STK32B: variants seen among roughly 807,000 people sequenced by gnomAD.
STK32B encodes the protein serine/threonine-protein kinase 32B.
A neutral mutation model predicts 52.6 loss-of-function variants in STK32B; 43 were observed. The ratio of observed to expected loss-of-function variants is 0.82; its 90% CI spans 0.64 to 1.05. The LOEUF (loss-of-function observed/expected upper bound fraction) is 1.05, where lower values mean the gene tolerates loss of function less well. Among genes scored for constraint, STK32B ranks in the 50% least tolerant of loss-of-function variants. STK32B has a pLI of 0.00. For missense variants in STK32B, 621 were observed against 534.6 expected (o/e 1.16, Z -1.59); for synonymous variants, 238 against 204.3 (o/e 1.17, Z -1.41).
At chr4:5,416,231 A>T (rs1319458214) in intron 5 of STK32B, among the ~76,000 whole-genome samples, 1 of 151,398 alleles carries the variant, frequency 6.6e-6, no homozygotes, top group Non-Finnish European at 1.5e-5. Context: ...TCTGCACATC[A>T]CTTAGTTTCC....
chr4:5,405,175 C>T (rs1399338942), intron 5 of STK32B, among the ~76,000 whole-genome samples: 1 of 151,846 alleles, frequency 6.6e-6, no homozygotes, highest in Non-Finnish European at 1.5e-5. Context: ...TGTGTGAGAC[C>T]TAGTAAGGGC....
intron 1 of STK32B, among the ~76,000 whole-genome samples, chr4:5,117,851 C>A (rs1216067136): frequency 6.6e-6 from 1 of 151,906 alleles, no homozygotes; most frequent in Non-Finnish European, 1.5e-5. Flanking sequence ...TGTGTTGTAT[C>A]ATGTTTACAG....
chr4:5,217,611 T>C (rs942810425), intron 3 of STK32B, among the ~76,000 whole-genome samples: 3 of 152,236 alleles, frequency 2.0e-5, no homozygotes, highest in Non-Finnish European at 1.5e-5. Flanking sequence ...GCAGAACAAA[T>C]ATCATAGTCA....
intron 3 of STK32B, among the ~76,000 whole-genome samples, chr4:5,287,481 TA>T (rs1185131308): frequency 7.3e-6 from 1 of 136,892 alleles, no homozygotes; most frequent in African/African-American, 3.6e-5. Context: ...AATATAATTC[TA>T]AAGTTTTTTT....
chr4:5,239,984 A>C (rs187570191), intron 3 of STK32B, among the ~76,000 whole-genome samples: 81 of 151,248 alleles, frequency 5.4e-4, no homozygotes, highest in Non-Finnish European at 9.2e-4. Flanking sequence ...GGTTAAATTA[A>C]CTGTACCTGA....
chr4:5,399,496 A>G lies in STK32B; in HGVS notation c.472+1252A>G, dbSNP rs1737152026. Among the ~76,000 whole-genome samples the G allele has an allele frequency of 6.6e-6, 1 of 152,210 alleles. No individual in the cohort carries two copies. Among genetic ancestry groups the G allele is most frequent in the South Asian group, 2.1e-4 (1 of 4,836 alleles). On this transcript the variant is annotated intron_variant, in intron 5 of 11. Coordinates refer to ENST00000282908, the MANE Select transcript of STK32B (RefSeq NM_018401.3). This position sits in a 1 kb window ranked among gnomAD's most constrained non-coding sequence, Gnocchi z 5.4. ...CCAGACTAAGTGCTTTGGGGGCAGT[A>G]GGATTGAACTCACTGTGCTCCTGAA...
At chr4:5,342,651 A>G (rs1258429289) in intron 4 of STK32B, among the ~76,000 whole-genome samples, 2 of 152,120 alleles carry the variant, frequency 1.3e-5, no homozygotes, top group Non-Finnish European at 2.9e-5. Flanking sequence ...CACCTCCAAC[A>G]CTGGAAATTA....
intron 11 of STK32B, among the ~76,000 whole-genome samples, chr4:5,471,706 G>A (rs7669467): frequency 1.1e-4 from 16 of 151,996 alleles, no homozygotes; most frequent in Non-Finnish European, 1.0e-4. Context: ...TCCCACAAGC[G>A]ATTCTGATGC....
At chr4:5,052,294 G>C (rs1199241822) in intron 1 of STK32B, among the ~76,000 whole-genome samples, 1 of 152,140 alleles carries the variant, frequency 6.6e-6, no homozygotes, top group African/African-American at 2.4e-5. Flanking sequence ...GGCTGACGGA[G>C]GTGGCCTGGA....
At chr4:5,428,002 A>G (rs113730399) in intron 6 of STK32B, among the ~76,000 whole-genome samples, 5,919 of 151,226 alleles carry the variant, frequency 0.039, 400 homozygotes, top group African/African-American at 0.13. Context: ...GTAATTTGAG[A>G]CTTGTCTTAT....
chr4:5,278,678 C>T (rs1386965518), intron 3 of STK32B, among the ~76,000 whole-genome samples: 7 of 152,056 alleles, frequency 4.6e-5, no homozygotes, highest in Non-Finnish European at 1.0e-4. Flanking sequence ...TGGTATTAGT[C>T]CCTTCTAACA....
chr4:5,384,232 G>A (rs953860248), intron 4 of STK32B, among the ~76,000 whole-genome samples: 1 of 152,182 alleles, frequency 6.6e-6, no homozygotes, highest in African/African-American at 2.4e-5. Flanking sequence ...CGAGAAGGGT[G>A]TGGGCAAAGG....
intron 3 of STK32B, among the ~76,000 whole-genome samples, chr4:5,231,473 A>ATGG (rs940791981): frequency 4.3e-4 from 66 of 152,184 alleles, no homozygotes; most frequent in African/African-American, 1.5e-3. Context: ...GTAGCCAGGC[A>ATGG]TGGTGGTGCA....
At chr4:5,317,236 T>TATATTATATAAC (rs1731074078) in intron 3 of STK32B, among the ~76,000 whole-genome samples, 1 of 56,616 alleles carries the variant, frequency 1.8e-5, no homozygotes, top group African/African-American at 1.8e-4. Context: ...ATATATAACA[T>TATATTATATAAC]ATATATATTA....
At chr4:5,250,764 G>C (rs534904960) in intron 3 of STK32B, among the ~76,000 whole-genome samples, 1 of 152,248 alleles carries the variant, frequency 6.6e-6, no homozygotes, top group Non-Finnish European at 1.5e-5. Flanking sequence ...ATTCTGACTG[G>C]TGTGAGATGG....
upstream of STK32B, chr4:5,051,456 C>T (rs1253091658): frequency 4.0e-5 from 9 of 225,244 alleles, no homozygotes; most frequent in Admixed American, 4.9e-4. Flanking sequence ...GTGCTGCCTT[C>T]GTCCGTCCCC....
chr4:5,139,783 G>T, intron 1 of STK32B, 122 bp from the exon 2 acceptor site: 1 of 1,084,974 alleles, frequency 9.2e-7, no homozygotes, highest in African/African-American at 1.6e-5. Context: ...GCTCTGGCAA[G>T]TATAGTGCAC....
chr4:5,022,003 G>C, the STK32B span, among the ~76,000 whole-genome samples: 30 of 152,208 alleles, frequency 2.0e-4, no homozygotes, highest in South Asian at 5.8e-3. Context: ...AGGGTGCCTC[G>C]TGCTGATTCC....
upstream of STK32B, among the ~76,000 whole-genome samples, chr4:5,049,134 C>CG (rs1741671221): frequency 2.0e-5 from 3 of 152,170 alleles, no homozygotes; most frequent in South Asian, 6.2e-4. Flanking sequence ...TCTTCCAACC[C>CG]GGTTGATTCC....
Sources: allele counts gnomAD v4.1 joint callset (sites outside exome capture counted in the v4.1 genomes callset), GRCh38; gene constraint gnomAD v4.1.1; non-coding constraint Gnocchi (gnomAD v3.1); transcripts MANE v1.5; gene names NCBI Gene and HGNC (gene_info 2026-07-23, HGNC 2026-07-21).